The following ANO3 variants were observed in gnomAD, a reference collection of about 807,000 sequenced individuals.
ANO3 encodes anoctamin 3, also known as anoctamin-3.
Under a neutral mutation model 144.8 loss-of-function variants are expected in ANO3, and 99 were observed. The ratio of observed to expected loss-of-function variants is 0.68; its 90% confidence interval spans 0.58 to 0.81. The LOEUF (loss-of-function observed/expected upper bound fraction) is 0.81. ANO3 is among the 30% of genes least tolerant of loss of function. The probability of loss-of-function intolerance (pLI) is 0.00; values close to 1 mark genes in which losing one functional copy is unlikely to be tolerated. For missense variants in ANO3, 905 were observed against 1,202.2 expected (o/e 0.75, Z 3.66); for synonymous variants, 414 against 392.6 (o/e 1.05, Z -0.64).
At chr11:26,267,660 C>T (rs555558867) in intron 1 of ANO3, among the ~76,000 whole-genome samples, 77 of 152,260 alleles carry the variant, frequency 5.1e-4, no homozygotes, top group Admixed American at 1.1e-3. Flanking sequence ...AAAGTAGAGA[C>T]TTAACATCTC....
chr11:26,628,964 T>TAC (rs567071559), intron 18 of ANO3, among the ~76,000 whole-genome samples: 2 of 152,116 alleles, frequency 1.3e-5, no homozygotes, highest in Non-Finnish European at 2.9e-5. Context: ...CAAGCCCCTA[T>TAC]ACACAAGTGC....
At chr11:26,266,553 C>A (rs958933289) in intron 1 of ANO3, among the ~76,000 whole-genome samples, 1 of 151,426 alleles carries the variant, frequency 6.6e-6, no homozygotes, top group Non-Finnish European at 1.5e-5. Flanking sequence ...CCTGCCTCAG[C>A]CGCCCGAGAA....
At chr11:26,620,711 G>A (rs1397598565) in intron 17 of ANO3, among the ~76,000 whole-genome samples, 2 of 152,106 alleles carry the variant, frequency 1.3e-5, no homozygotes, top group Admixed American at 1.3e-4. Flanking sequence ...CTAGAGTCCA[G>A]AGCATACATC....
chr11:26,227,620 C>T (rs530104154), intron 1 of ANO3, among the ~76,000 whole-genome samples: 132 of 152,306 alleles, frequency 8.7e-4, no homozygotes, highest in Middle Eastern at 3.4e-3. Flanking sequence ...TCTCAACTTT[C>T]ATTTATTCAT....
chr11:26,508,327 T>A (rs1590433888), intron 5 of ANO3, 65 bp downstream of exon 5: 2 of 1,439,084 alleles, frequency 1.4e-6, no homozygotes, highest in South Asian at 2.8e-5. Context: ...TCACTTATGG[T>A]TTAGAAAGAA....
Position 26,660,443 on chromosome 11 carries a change from A to G in ANO3, c.2945A>G (p.Ter982TrpextTer7), listed in dbSNP as rs1853844416. Residue 982 changes from the stop codon to tryptophan, a stop_lost, in exon 27 of 27, where the codon TAG becomes TGG. Transcript: ENST00000256737. ...CAGCCTGTTCACCATGAATGGCCTT[A>G]GTTGACACCTGTTACCCATTAGGGG... ...SGQPVHHEWP* is the reference protein window; with the variant it reads ...SGQPVHHEWPW The G allele has an allele frequency of 1.9e-6, 3 of 1,610,804 alleles. No individual in the cohort carries two copies. The highest frequency in any genetic ancestry group is 2.5e-6 in the Non-Finnish European group (3 of 1,178,566).
chr11:26,284,543 G>T (rs111815404), intron 1 of ANO3, among the ~76,000 whole-genome samples: 2 of 152,182 alleles, frequency 1.3e-5, no homozygotes, highest in South Asian at 2.1e-4. Context: ...CTTCCCGCGG[G>T]TCTCTCAATT....
intron 14 of ANO3, among the ~76,000 whole-genome samples, chr11:26,571,316 G>C (rs148332546): frequency 1.4e-4 from 22 of 152,172 alleles, no homozygotes; most frequent in African/African-American, 4.3e-4. Context: ...ATGGAAATCA[G>C]CATCCTTTTA....
chr11:26,200,790 G>A (rs537869413), intron 1 of ANO3, among the ~76,000 whole-genome samples: 2 of 152,152 alleles, frequency 1.3e-5, no homozygotes, highest in East Asian at 3.9e-4. Flanking sequence ...TGTTTCATTT[G>A]CTTTGTTTTA....
chr11:26,582,865 T>TA (rs1449625637), intron 14 of ANO3, among the ~76,000 whole-genome samples: 4 of 152,188 alleles, frequency 2.6e-5, no homozygotes, highest in Non-Finnish European at 5.9e-5. Context: ...AATTAGAAAA[T>TA]ATTCAACTGA....
intron 1 of ANO3, among the ~76,000 whole-genome samples, chr11:26,386,601 C>T (rs9943594): frequency 0.27 from 40,463 of 152,014 alleles, 6,050 homozygotes; most frequent in African/African-American, 0.41. Flanking sequence ...ACTGATCCAA[C>T]GTACTGAGAA....
intron 9 of ANO3, among the ~76,000 whole-genome samples, chr11:26,536,987 C>G (rs1209715038): frequency 6.7e-6 from 1 of 150,356 alleles, no homozygotes; most frequent in Admixed American, 6.6e-5. Context: ...AAGTATTTCT[C>G]AATACCAATA....
At chr11:26,649,954 A>T (rs1360650820) in intron 24 of ANO3, among the ~76,000 whole-genome samples, 3 of 152,176 alleles carry the variant, frequency 2.0e-5, no homozygotes, top group Non-Finnish European at 4.4e-5. Context: ...ATTATTTGCC[A>T]GTGTCTTCAC....
chr11:26,293,308 A>G (rs755467468), intron 1 of ANO3, among the ~76,000 whole-genome samples: 1 of 151,876 alleles, frequency 6.6e-6, no homozygotes, highest in South Asian at 2.1e-4. Context: ...TTGAAAAAAT[A>G]TATAAATAGA....
intron 4 of ANO3, among the ~76,000 whole-genome samples, chr11:26,489,297 C>T (rs936963403): frequency 6.6e-6 from 1 of 152,118 alleles, no homozygotes; most frequent in Non-Finnish European, 1.5e-5. Context: ...GTTGAGCCTG[C>T]GGGAGCACAG....
chr11:26,393,863 T>C lies in ANO3; in HGVS notation c.47-48055T>C, dbSNP rs536734028. Among the ~76,000 whole-genome samples, 12 of 152,316 alleles carry C rather than the reference T, an allele frequency of 7.9e-5. 1 individual carries two copies. In the South Asian group the frequency reaches 2.5e-3, roughly 32 times the overall value. The stretch of plus-strand genomic sequence containing the variant: ...CTGCTAAATATTTTAATGCTTTCAT[T>C]GAAATATAAGGGATTATTTTGACAT... On this transcript the variant is annotated intron_variant, in intron 1 of 26. Coordinates refer to ENST00000256737, the MANE Select transcript of ANO3 (RefSeq NM_031418.4).
chr11:26,453,273 A>AC (rs1244415547), intron 3 of ANO3, among the ~76,000 whole-genome samples: 1 of 151,694 alleles, frequency 6.6e-6, no homozygotes, highest in African/African-American at 2.4e-5. Flanking sequence ...CAATTAAAAG[A>AC]CACAGACTGG....
At chr11:26,261,665 A>G (rs1372760165) in intron 1 of ANO3, among the ~76,000 whole-genome samples, 1 of 152,200 alleles carries the variant, frequency 6.6e-6, no homozygotes, top group Non-Finnish European at 1.5e-5. Flanking sequence ...GGGCACACCA[A>G]GGCAAACTGT....
At chr11:26,537,274 T>G in intron 9 of ANO3, 132 bp from the exon 10 acceptor site, 1 of 700,528 alleles carries the variant, frequency 1.4e-6, no homozygotes, top group Non-Finnish European at 2.6e-6. Context: ...TCATAGGTGA[T>G]GTGGCTATGG....
Sources: allele counts gnomAD v4.1 joint callset (sites outside exome capture counted in the v4.1 genomes callset), GRCh38; gene constraint gnomAD v4.1.1; transcripts MANE v1.5; gene names NCBI Gene and HGNC (gene_info 2026-07-23, HGNC 2026-07-21).